The following FGL1 variants were observed in gnomAD, a reference collection of about 807,000 sequenced individuals.
FGL1 encodes the protein fibrinogen like 1.
Under a neutral mutation model 43.7 loss-of-function variants are expected in FGL1, and 59 were observed. The ratio of observed to expected loss-of-function variants is 1.35; its 90% CI spans 1.10 to 1.68. FGL1 has a LOEUF of 1.68. Ranked by LOEUF, FGL1 falls within the 40% of genes most tolerant of loss-of-function variation. The probability of loss-of-function intolerance (pLI) is 0.00; values close to 1 mark genes in which losing one functional copy is unlikely to be tolerated. For missense variants in FGL1, 596 were observed against 373.0 expected, an observed-to-expected ratio of 1.60 and a Z score of -4.92; for synonymous variants, 192 against 126.5, an observed-to-expected ratio of 1.52 and a Z score of -3.48.
Position 17,874,450 on chromosome 8 carries a change from C to A in FGL1, c.316G>T (p.Ala106Ser). 6.2e-7 allele frequency: 1 copy of A among 1,614,088 alleles called. No homozygotes were observed. The highest frequency in any genetic ancestry group is 8.5e-7 in the Non-Finnish European group (1 of 1,179,986). Residue 106 changes from alanine to serine, a missense_variant, in exon 4 of 8, where the codon GCA becomes TCA. Transcript: ENST00000427924. Reference protein sequence around the residue: ...FYKIKPLQSPAEFSVYCDMSD... With the variant: ...FYKIKPLQSPSEFSVYCDMSD... Reference sequence around the variant, plus strand: ...ATGTCACAATAAACAGAAAATTCTGCTGGGCTCTGGAGAGGTTTGATTTTG... The same window carrying A: ...ATGTCACAATAAACAGAAAATTCTGATGGGCTCTGGAGAGGTTTGATTTTG...
chr8:17,875,535 C>CTTTCTCTTTCTTTCTCTT (rs1554564386), intron 3 of FGL1, among the ~76,000 whole-genome samples: 1 of 25,456 alleles, frequency 3.9e-5, no homozygotes, highest in Admixed American at 3.5e-4. Context: ...TTCTTTCTTT[C>CTTTCTCTTTCTTTCTCTT]TCTTTCTTTC....
At chr8:17,879,760 A>G (rs2053507412) in intron 3 of FGL1, among the ~76,000 whole-genome samples, 1 of 151,716 alleles carries the variant, frequency 6.6e-6, no homozygotes, top group African/African-American at 2.4e-5. Context: ...AGCCTCATTC[A>G]TTTCGTTATA....
chr8:17,868,665 G>A lies in FGL1; in HGVS notation c.662C>T (p.Pro221Leu), dbSNP rs144651867. 31 of 1,613,936 alleles carry A rather than the reference G, an allele frequency of 1.9e-5. No individual in the cohort carries two copies. The highest frequency in any genetic ancestry group is 2.6e-5 in the Non-Finnish European group (31 of 1,179,952). The change falls in exon 7 of 8, where the codon CCT becomes CTT. Residue 221 changes from proline (P) to leucine (L), a missense_variant. Pro to Leu is a moderately conservative substitution (Grantham distance 98). Transcript: ENST00000427924. ...GTGACTAGCCCACCACTGCACCTCA[G>A]GATGAAAATTCCCCGCAAGGGAATC... Reference protein sequence around the residue: ...AGDSLAGNFHPEVQWWASHQR... With the variant: ...AGDSLAGNFHLEVQWWASHQR...
intron 5 of FGL1, among the ~76,000 whole-genome samples, chr8:17,872,692 G>A (rs1332988275): frequency 6.6e-6 from 1 of 152,180 alleles, no homozygotes; most frequent in Non-Finnish European, 1.5e-5. Flanking sequence ...TCAGACTTGA[G>A]TGGGACTGAT....
chr8:17,887,338 C>G (rs868058355), intron 1 of FGL1, among the ~76,000 whole-genome samples: 3 of 152,178 alleles, frequency 2.0e-5, no homozygotes, highest in Non-Finnish European at 4.4e-5. Context: ...CTCCTTCATG[C>G]ACCTGGGAGA....
At chr8:17,879,211 T>G (rs567438115) in intron 3 of FGL1, among the ~76,000 whole-genome samples, 99 of 152,034 alleles carry the variant, frequency 6.5e-4, no homozygotes, top group African/African-American at 2.0e-3. Flanking sequence ...TAATGTTTTT[T>G]CTGAAGCATC....
At chr8:17,892,659 G>T (rs894242648) in intron 1 of FGL1, among the ~76,000 whole-genome samples, 1 of 152,150 alleles carries the variant, frequency 6.6e-6, no homozygotes, top group African/African-American at 2.4e-5. Context: ...CTTGATAAAT[G>T]AAACTGCTAA....
At chr8:17,881,093 C>G (rs924626421) in intron 3 of FGL1, among the ~76,000 whole-genome samples, 5 of 151,548 alleles carry the variant, frequency 3.3e-5, no homozygotes, top group African/African-American at 1.2e-4. Context: ...AAACACAAAG[C>G]TCAAATGCAA....
chr8:17,871,825 G>C (rs2053366810), intron 5 of FGL1, among the ~76,000 whole-genome samples: 1 of 152,154 alleles, frequency 6.6e-6, no homozygotes, highest in African/African-American at 2.4e-5. Flanking sequence ...TAGCCAGCCT[G>C]AGTACCAAGT....
rs190675833 is a variant in FGL1 at position 17,877,782 on chromosome 8, G to C, written c.245-3261C>G. Among the ~76,000 whole-genome samples the C allele has an allele frequency of 2.0e-5, 3 of 152,144 alleles. No individual in the cohort carries two copies. In the East Asian group the frequency reaches 5.8e-4, roughly 29 times the overall value. ...TTTGTGTTACAAACAATCCAATTTTGCTCTCTTTGTTATTTTTAAATGTGC... is the reference window on the plus strand; with the variant it reads ...TTTGTGTTACAAACAATCCAATTTTCCTCTCTTTGTTATTTTTAAATGTGC... On this transcript the variant is annotated intron_variant, in intron 3 of 7. Coordinates refer to ENST00000427924, the MANE Select transcript of FGL1 (RefSeq NM_004467.4).
intron 2 of FGL1, among the ~76,000 whole-genome samples, chr8:17,883,693 T>A (rs2174001): frequency 0.078 from 11,220 of 143,888 alleles, 903 homozygotes; most frequent in African/African-American, 0.2. Flanking sequence ...TATATATTTT[T>A]TATATATATA....
rs1357797969 is a variant in FGL1 at position 17,886,212 on chromosome 8, C to A, written c.-17-641G>T. Among the ~76,000 whole-genome samples, 3 of 152,186 alleles carry A rather than the reference C, an allele frequency of 2.0e-5. 1 individual carries two copies. The highest frequency in any genetic ancestry group is 2.0e-4 in the Admixed American group (3 of 15,286). On this transcript the variant is annotated intron_variant, in intron 1 of 7. Coordinates refer to ENST00000427924, the MANE Select transcript of FGL1 (RefSeq NM_004467.4). ...AATGTAATTTCCTTGCTTTAAACTA[C>A]AGTCTGTTTATACTGACATACTTTC...
chr8:17,886,586 T>C (rs1585148472), intron 1 of FGL1, among the ~76,000 whole-genome samples: 1 of 151,952 alleles, frequency 6.6e-6, no homozygotes, highest in Non-Finnish European at 1.5e-5. Context: ...GGCGAAACCC[T>C]GTCTCTACTA....
chr8:17,869,191 G>T (rs1456703428), intron 5 of FGL1, among the ~76,000 whole-genome samples, 187 bp from the exon 6 acceptor site: 1 of 151,224 alleles, frequency 6.6e-6, no homozygotes, highest in Non-Finnish European at 1.5e-5. Context: ...TAATTTATTT[G>T]AAAAAAAATG....
chr8:17,875,627 CAG>C (rs1474411856), intron 3 of FGL1, among the ~76,000 whole-genome samples: 12 of 148,226 alleles, frequency 8.1e-5, no homozygotes, highest in African/African-American at 3.0e-4. Context: ...TCCTTTGAGA[CAG>C]AGTCTTGCTC....
rs755258570 is a variant in FGL1, at chr8:17,868,605, T to C, written c.722A>G (p.His241Arg). 3.7e-6 allele frequency: 6 copies of C among 1,614,074 alleles called. No homozygotes were observed. The highest frequency in any genetic ancestry group is 4.2e-6 in the Non-Finnish European group (5 of 1,179,964). Reference sequence around the variant, plus strand: ...TGCGCAGTTCCCTTCATAGTTGTCATGATCTCTGTCCCACGTGCTGAATTT... The same window carrying C: ...TGCGCAGTTCCCTTCATAGTTGTCACGATCTCTGTCCCACGTGCTGAATTT... ...RMKFSTWDRD[H>R]DNYEGNCAEE... is the part of the protein sequence containing the mutation. The change falls in exon 7 of 8, where the codon CAT becomes CGT. Residue 241 changes from histidine to arginine, a missense_variant. His to Arg is a conservative substitution (Grantham distance 29). Coordinates refer to ENST00000427924, the MANE Select transcript of FGL1 (RefSeq NM_004467.4).
At chr8:17,880,960 T>A (rs1049939872) in intron 3 of FGL1, among the ~76,000 whole-genome samples, 2 of 152,222 alleles carry the variant, frequency 1.3e-5, no homozygotes, top group African/African-American at 4.8e-5. Context: ...TCTTTTATTT[T>A]CCTTAGTAAT....
At position 17,864,633 on chromosome 8, in the gene FGL1, T is replaced by C; in HGVS notation, c.898A>G (p.Met300Val). ...ATAAAATCATTTGGCCTAATTTTCATAACCACAGATTTCAGAGAATACCAC... is the reference window on the plus strand; with the variant it reads ...ATAAAATCATTTGGCCTAATTTTCACAACCACAGATTTCAGAGAATACCAC... ...GWWYSLKSVVMKIRPNDFIPN... is the reference protein window; with the variant it reads ...GWWYSLKSVVVKIRPNDFIPN... Residue 300 changes from methionine (M) to valine (V), a missense_variant, in exon 8 of 8, where the codon ATG becomes GTG. Met to Val is a conservative substitution (Grantham distance 21, BLOSUM62 1). Coordinates refer to ENST00000427924, the MANE Select transcript of FGL1 (RefSeq NM_004467.4). The C allele has an allele frequency of 6.2e-7, 1 of 1,611,528 alleles. No individual in the cohort carries two copies.
At chr8:17,882,381 C>G (rs950609282) in intron 2 of FGL1, 8 of 475,106 alleles carry the variant, frequency 1.7e-5, no homozygotes, top group African/African-American at 1.2e-4. Flanking sequence ...GCGAAAACTC[C>G]TGGACTCAAA....
Sources: gnomAD v4.1 joint callset for allele counts (sites outside exome capture counted in the v4.1 genomes callset) on GRCh38, gnomAD v4.1.1 for gene constraint, MANE v1.5 for transcripts, NCBI Gene and HGNC (gene_info 2026-07-23, HGNC 2026-07-21) for gene names.